Variants in SMIM45 observed in about 807,000 individuals in gnomAD.
The protein encoded by SMIM45 is long intergenic non-protein coding RNA 634.
chr22:41,954,430 C>G, the SMIM45 span, among the ~76,000 whole-genome samples: 1 of 152,088 alleles, frequency 6.6e-6, no homozygotes, highest in Non-Finnish European at 1.5e-5. Flanking sequence ...TGGTCTTGAA[C>G]TCCTGGCCTC....
chr22:41,947,549 G>A, the SMIM45 span, among the ~76,000 whole-genome samples: 3 of 151,726 alleles, frequency 2.0e-5, no homozygotes, highest in Admixed American at 1.3e-4. Context: ...TTTATTTTTA[G>A]TAGAGACGGG....
the SMIM45 span, chr22:41,958,881 C>T: frequency 1.2e-5 from 2 of 160,518 alleles, no homozygotes; most frequent in African/African-American, 2.4e-5. Context: ...CGCCCCCCTT[C>T]GCTGGGGCTT....
the SMIM45 span, among the ~76,000 whole-genome samples, chr22:41,949,724 A>T: frequency 3.3e-5 from 5 of 152,160 alleles, no homozygotes; most frequent in Admixed American, 2.6e-4. Context: ...GTAACAAGAG[A>T]CAAGGCACTG....
chr22:41,955,866 A>C, the SMIM45 span, among the ~76,000 whole-genome samples: 1 of 151,602 alleles, frequency 6.6e-6, no homozygotes, highest in Non-Finnish European at 1.5e-5. Context: ...TTCTATCCCC[A>C]TTTTACAGAT....
the SMIM45 span, among the ~76,000 whole-genome samples, chr22:41,954,911 T>C: frequency 6.6e-6 from 1 of 152,204 alleles, no homozygotes; most frequent in South Asian, 2.1e-4. Flanking sequence ...CAAGGGAGGC[T>C]GAGGCAGGAG....
chr22:41,954,540 G>A, the SMIM45 span, among the ~76,000 whole-genome samples: 5 of 152,156 alleles, frequency 3.3e-5, no homozygotes, highest in African/African-American at 1.2e-4. Context: ...GTAGGAATTT[G>A]CCAAGTGAAC....
the SMIM45 span, among the ~76,000 whole-genome samples, chr22:41,955,296 C>T: frequency 6.6e-6 from 1 of 151,934 alleles, no homozygotes; most frequent in Non-Finnish European, 1.5e-5. Context: ...TCTCCTGCCT[C>T]AGCCTGCCGA....
the SMIM45 span, among the ~76,000 whole-genome samples, chr22:41,954,202 A>AT: frequency 0.012 from 1,275 of 104,506 alleles, 33 homozygotes; most frequent in Non-Finnish European, 0.017. Flanking sequence ...GGTACTTTGA[A>AT]TTTTTTTTTT....
the SMIM45 span, among the ~76,000 whole-genome samples, chr22:41,950,849 G>A: frequency 3.3e-5 from 5 of 152,146 alleles, no homozygotes; most frequent in South Asian, 2.1e-4. Flanking sequence ...AAAATTAGCC[G>A]GGCATGGTGG....
the SMIM45 span, among the ~76,000 whole-genome samples, chr22:41,953,048 G>A: frequency 1.2e-3 from 189 of 152,256 alleles, no homozygotes; most frequent in African/African-American, 4.5e-3. Flanking sequence ...GGTCCTACAC[G>A]CTCCCCTGCC....
chr22:41,946,957 T>C, the SMIM45 span: 8 of 1,539,062 alleles, frequency 5.2e-6, no homozygotes, highest in African/African-American at 4.1e-5. Flanking sequence ...TCAGTTGACC[T>C]AGTGGCTGAA....
the SMIM45 span, among the ~76,000 whole-genome samples, chr22:41,951,547 G>A: frequency 2.0e-5 from 3 of 152,084 alleles, no homozygotes; most frequent in South Asian, 2.1e-4. Context: ...CACCAGCCAG[G>A]GGTGCTGTGG....
chr22:41,953,442 A>C, the SMIM45 span, among the ~76,000 whole-genome samples: 1 of 152,232 alleles, frequency 6.6e-6, no homozygotes, highest in Non-Finnish European at 1.5e-5. Context: ...CGCAAGCCTC[A>C]GGGCATCGCT....
chr22:41,955,542 C>T, the SMIM45 span, among the ~76,000 whole-genome samples: 9 of 152,226 alleles, frequency 5.9e-5, no homozygotes, highest in South Asian at 1.9e-3. Flanking sequence ...TGCGGTGGCT[C>T]ACGCCTGTAA....
At chr22:41,958,434 G>C in the SMIM45 span, 1 of 456,016 alleles carries the variant, frequency 2.2e-6, no homozygotes, top group Non-Finnish European at 4.4e-6. Flanking sequence ...AGGGTGTGTG[G>C]TGGGGGTATG....
chr22:41,948,917 T>G, the SMIM45 span, among the ~76,000 whole-genome samples: 2 of 152,066 alleles, frequency 1.3e-5, no homozygotes, highest in African/African-American at 4.8e-5. Flanking sequence ...AATACAAAAT[T>G]AGCTGGGCGT....
the SMIM45 span, among the ~76,000 whole-genome samples, chr22:41,955,805 CAA>C: frequency 6.5e-4 from 68 of 104,314 alleles, no homozygotes; most frequent in African/African-American, 1.4e-3. Flanking sequence ...GACTCCGTCT[CAA>C]AAAAAAAAAA....
the SMIM45 span, among the ~76,000 whole-genome samples, chr22:41,955,938 G>C: frequency 6.6e-6 from 1 of 152,016 alleles, no homozygotes; most frequent in Admixed American, 6.5e-5. Context: ...TATGTGCCAG[G>C]CACTGGTTCT....
the SMIM45 span, chr22:41,946,975 C>T: frequency 1.5e-5 from 24 of 1,602,248 alleles, no homozygotes; most frequent in African/African-American, 3.1e-4. Flanking sequence ...GAAGCACCGC[C>T]CAGGAGGAAA....
Sources: gnomAD v4.1 joint callset for allele counts (sites outside exome capture counted in the v4.1 genomes callset) on GRCh38, gnomAD v4.1.1 for gene constraint, MANE v1.5 for transcripts, NCBI Gene and HGNC (gene_info 2026-07-23, HGNC 2026-07-21) for gene names.